GUCY1B1: variants seen among roughly 807,000 people sequenced by gnomAD.
GUCY1B1 encodes guanylate cyclase 1 soluble subunit beta 1, also known as guanylate cyclase soluble subunit beta-1.
Under a neutral mutation model 71.0 loss-of-function variants are expected in GUCY1B1, and 43 were observed. That is an observed-to-expected ratio of 0.61 (90% confidence interval 0.47 to 0.78). GUCY1B1 has a LOEUF of 0.78. Ranked by LOEUF, GUCY1B1 falls within the 30% of genes least tolerant of loss-of-function variation. GUCY1B1 has a pLI of 0.00. For missense variants in GUCY1B1, 535 were observed against 754.1 expected, an observed-to-expected ratio of 0.71 and a Z score of 3.40; for synonymous variants, 266 against 259.7, an observed-to-expected ratio of 1.02 and a Z score of -0.23.
At chr4:155,781,606 T>C (rs1164334028) in intron 4 of GUCY1B1, among the ~76,000 whole-genome samples, 1 of 151,926 alleles carries the variant, frequency 6.6e-6, no homozygotes, top group Non-Finnish European at 1.5e-5. Flanking sequence ...AAATTTAGGA[T>C]AAATAATATT....
intron 2 of GUCY1B1, among the ~76,000 whole-genome samples, chr4:155,771,854 T>G (rs1479881621): frequency 1.3e-5 from 2 of 152,208 alleles, no homozygotes; most frequent in Non-Finnish European, 1.5e-5. Context: ...TATAGAAGTA[T>G]AATTATGATA....
intron 5 of GUCY1B1, among the ~76,000 whole-genome samples, chr4:155,790,689 T>A (rs12642195): frequency 0.57 from 86,221 of 152,040 alleles, 24,844 homozygotes; most frequent in Middle Eastern, 0.76. Flanking sequence ...AGAAAACCTA[T>A]TAGACAGTTC....
chr4:155,784,500 T>C (rs1415564224), intron 4 of GUCY1B1, among the ~76,000 whole-genome samples: 2 of 152,168 alleles, frequency 1.3e-5, no homozygotes, highest in Admixed American at 1.3e-4. Context: ...ATGACTCTCA[T>C]TAAAGAATGT....
intron 2 of GUCY1B1, among the ~76,000 whole-genome samples, chr4:155,767,931 A>T (rs1737448837): frequency 6.6e-6 from 1 of 152,168 alleles, no homozygotes; most frequent in Non-Finnish European, 1.5e-5. Flanking sequence ...ACATTATGGT[A>T]CCAATTCAGC....
At chr4:155,790,604 G>A (rs1362519895) in intron 5 of GUCY1B1, among the ~76,000 whole-genome samples, 2 of 152,154 alleles carry the variant, frequency 1.3e-5, no homozygotes, top group African/African-American at 2.4e-5. Context: ...ATACCCAAGA[G>A]TCAATTCTCA....
chr4:155,782,103 T>C (rs1738467505), intron 4 of GUCY1B1, among the ~76,000 whole-genome samples: 1 of 151,938 alleles, frequency 6.6e-6, no homozygotes, highest in Non-Finnish European at 1.5e-5. Flanking sequence ...TGAGACGGAG[T>C]CTTGCTCTGT....
At chr4:155,797,837 G>C (rs1329860338) in intron 8 of GUCY1B1, among the ~76,000 whole-genome samples, 1 of 150,974 alleles carries the variant, frequency 6.6e-6, no homozygotes, top group Admixed American at 6.6e-5. Context: ...TAATATATCA[G>C]ATAATATAAG....
At chr4:155,797,326 T>A (rs928765090) in intron 8 of GUCY1B1, among the ~76,000 whole-genome samples, 1 of 150,192 alleles carries the variant, frequency 6.7e-6, no homozygotes, top group African/African-American at 2.5e-5. Flanking sequence ...CCATGATCAC[T>A]TTTCACTTAA....
chr4:155,796,585 A>G (rs1335019650), intron 8 of GUCY1B1, 75 bp downstream of exon 8: 2 of 950,728 alleles, frequency 2.1e-6, no homozygotes, highest in Non-Finnish European at 3.1e-6. Flanking sequence ...ACAATATTTT[A>G]TTCCATTAAA....
rs1579208079 is a variant in GUCY1B1, at chr4:155,776,229, A to G, written c.178+1161A>G. 3.3e-5 allele frequency among the ~76,000 whole-genome samples: 5 copies of G among 152,308 alleles called. No individual in the cohort carries two copies. In the East Asian group the frequency reaches 9.6e-4, roughly 29 times the overall value. On this transcript the variant is annotated intron_variant, in intron 3 of 13. Coordinates refer to ENST00000264424, the MANE Select transcript of GUCY1B1 (RefSeq NM_000857.5). The stretch of plus-strand genomic sequence containing the variant: ...ATGAAAGCCTTTTAAAAAAATATTA[A>G]AACCTTCAGTAATTTTTCCTAAATA...
At chr4:155,793,718 T>C (rs1739338821) in intron 5 of GUCY1B1, 138 bp from the exon 6 acceptor site, 1 of 575,954 alleles carries the variant, frequency 1.7e-6, no homozygotes, top group Non-Finnish European at 3.1e-6. Context: ...TTTAGACATA[T>C]GGAGTATTTG....
At chr4:155,764,018 T>TG (rs2110969306) in intron 2 of GUCY1B1, among the ~76,000 whole-genome samples, 1 of 150,220 alleles carries the variant, frequency 6.7e-6, no homozygotes, top group Non-Finnish European at 1.5e-5. Flanking sequence ...AAATTTTTTT[T>TG]ATCACTCTAG....
intron 7 of GUCY1B1, 101 bp from the exon 8 acceptor site, chr4:155,796,276 G>C: frequency 9.3e-7 from 1 of 1,072,752 alleles, no homozygotes; most frequent in Non-Finnish European, 1.4e-6. Context: ...CACTTATTCT[G>C]CTTTGTGGTT....
In GUCY1B1 at chr4:155,803,536, A is replaced by C; in HGVS notation, c.1414-88A>C. The C allele has an allele frequency of 3.3e-6, 3 of 902,402 alleles. No individual in the cohort carries two copies. The South Asian group carries it at 1.0e-4, about 31-fold the overall frequency. The allele number at this position is 902,402 out of a possible 1,614,324, so 55.9% of individuals were successfully genotyped here. ...GAGGGAAGCTTAAAGTTGCTGGTAGACTTGAAAAAATATGTTTTTTGTTAG... is the reference window on the plus strand; with the variant it reads ...GAGGGAAGCTTAAAGTTGCTGGTAGCCTTGAAAAAATATGTTTTTTGTTAG... On this transcript the variant is annotated intron_variant, in intron 10 of 13. Coordinates refer to ENST00000264424, the MANE Select transcript of GUCY1B1 (RefSeq NM_000857.5).
chr4:155,795,124 G>C (rs752092357), intron 6 of GUCY1B1, among the ~76,000 whole-genome samples: 1 of 152,002 alleles, frequency 6.6e-6, no homozygotes, highest in African/African-American at 2.4e-5. Flanking sequence ...ATCCATATCA[G>C]ATTTCATGTT....
chr4:155,797,735 A>AAATAATAATAATAATAATAATAATAAT (rs148793772), intron 8 of GUCY1B1, among the ~76,000 whole-genome samples: 4 of 144,984 alleles, frequency 2.8e-5, no homozygotes, highest in South Asian at 4.5e-4. Flanking sequence ...CACTGTCTCA[A>AAATAATAATAATAATAATAATAATAAT]AATAATAATA....
chr4:155,768,622 T>C (rs1737505291), intron 2 of GUCY1B1, among the ~76,000 whole-genome samples: 1 of 152,038 alleles, frequency 6.6e-6, no homozygotes. Flanking sequence ...GTAATTACAT[T>C]AAAGAAAAAA....
intron 2 of GUCY1B1, among the ~76,000 whole-genome samples, chr4:155,774,104 G>C (rs1162106632): frequency 6.6e-6 from 1 of 152,142 alleles, no homozygotes; most frequent in African/African-American, 2.4e-5. Flanking sequence ...TTAACCTAGA[G>C]CAGTTTATAT....
At position 155,775,047 on chromosome 4, in the gene GUCY1B1, G is replaced by A. The variant is rs1360829636; in HGVS notation, c.157G>A (p.Ala53Thr). Residue 53 changes from alanine to threonine, a missense_variant, in exon 3 of 14, where the codon GCT becomes ACT. Coordinates refer to ENST00000264424, the MANE Select transcript of GUCY1B1 (RefSeq NM_000857.5). ...YDDSKTYDLVAAASKVLNLNA... is the reference protein window; with the variant it reads ...YDDSKTYDLVTAASKVLNLNA... Reference sequence around the variant, plus strand: ...TGACTCCAAAACTTATGATTTGGTTGCTGCTGCAAGCAAAGTCCTCAGTAA... The same window carrying A: ...TGACTCCAAAACTTATGATTTGGTTACTGCTGCAAGCAAAGTCCTCAGTAA... 12 of 1,593,986 alleles carry A rather than the reference G, an allele frequency of 7.5e-6. No homozygotes were observed. Among genetic ancestry groups the A allele is most frequent in the Non-Finnish European group, 1.0e-5 (12 of 1,162,270 alleles).
Sources: gnomAD v4.1 joint callset for allele counts (sites outside exome capture counted in the v4.1 genomes callset) on GRCh38, gnomAD v4.1.1 for gene constraint, MANE v1.5 for transcripts, NCBI Gene and HGNC (gene_info 2026-07-23, HGNC 2026-07-21) for gene names.